Variants in OSBPL2 observed in about 807,000 individuals in gnomAD.
OSBPL2 encodes oxysterol binding protein like 2.
OSBPL2 carries 18 observed loss-of-function variants against 58.4 expected under a neutral mutation model. The ratio of observed to expected loss-of-function variants is 0.31; its 90% CI spans 0.21 to 0.46. The LOEUF (loss-of-function observed/expected upper bound fraction) is 0.46, where lower values mean the gene tolerates loss of function less well. Ranked by LOEUF, OSBPL2 falls within the 20% of genes least tolerant of loss-of-function variation. OSBPL2 has a pLI of 1.00. For synonymous variants in OSBPL2, 221 were observed against 234.1 expected, an observed-to-expected ratio of 0.94 and a Z score of 0.51; for missense variants, 461 against 616.5, an observed-to-expected ratio of 0.75 and a Z score of 2.67.
intron 9 of OSBPL2, among the ~76,000 whole-genome samples, chr20:62,283,504 T>C (rs1294804013): frequency 6.6e-6 from 1 of 152,138 alleles, no homozygotes; most frequent in Non-Finnish European, 1.5e-5. Flanking sequence ...GTGGCCACTC[T>C]GCAAAGGTCT....
At chr20:62,289,043 G>A (rs964931809) in intron 11 of OSBPL2, among the ~76,000 whole-genome samples, 164 bp from the exon 12 acceptor site, 1 of 152,202 alleles carries the variant, frequency 6.6e-6, no homozygotes, top group African/African-American at 2.4e-5. Context: ...AGTGAAGACG[G>A]CAGAGGCATT....
intron 2 of OSBPL2, among the ~76,000 whole-genome samples, chr20:62,257,111 C>T (rs749880487): frequency 1.3e-5 from 2 of 152,206 alleles, no homozygotes; most frequent in Non-Finnish European, 2.9e-5. Context: ...CGGTTACTGC[C>T]GCTCAAGGAT....
rs141429024 is a variant in OSBPL2, at chr20:62,275,437, C to T, written c.491+2031C>T. Among the ~76,000 whole-genome samples the T allele has an allele frequency of 5.8e-4, 88 of 150,900 alleles. No homozygotes were observed. The Middle Eastern group carries it at 0.014, about 23-fold the overall frequency. On this transcript the variant is annotated intron_variant, in intron 6 of 13. Coordinates refer to ENST00000313733, the MANE Select transcript of OSBPL2 (RefSeq NM_144498.4). Reference sequence around the variant, plus strand: ...TTTTTGAGACGAGGTCTCACTCTGTCGCCCAGGCTGAAGTTCAGTGACATG... The same window carrying T: ...TTTTTGAGACGAGGTCTCACTCTGTTGCCCAGGCTGAAGTTCAGTGACATG...
chr20:62,262,090 C>T (rs977839656), intron 3 of OSBPL2, among the ~76,000 whole-genome samples: 1 of 149,910 alleles, frequency 6.7e-6, no homozygotes, highest in Non-Finnish European at 1.5e-5. Context: ...TGGACCCCCC[C>T]CCCACCCCGT....
chr20:62,255,836 A>G (rs1980886879), intron 1 of OSBPL2, among the ~76,000 whole-genome samples: 1 of 152,252 alleles, frequency 6.6e-6, no homozygotes, highest in Non-Finnish European at 1.5e-5. Flanking sequence ...CTCTTGTTAT[A>G]GGGCTGAATT....
At chr20:62,265,164 G>T (rs189798171) in intron 4 of OSBPL2, among the ~76,000 whole-genome samples, 1 of 152,042 alleles carries the variant, frequency 6.6e-6, no homozygotes, top group Admixed American at 6.6e-5. Context: ...TTCCATTCTC[G>T]TTCGTTCTTC....
Position 62,251,882 on chromosome 20 carries a change from T to TTTTC in OSBPL2, c.-128-4172_-128-4171insCTTT, listed in dbSNP as rs1297857946. The stretch of plus-strand genomic sequence containing the variant: ...TGGTATGCCTTTTTTTTTTTTTTTT[T>TTTTC]TTTTTTTTTTTTTTCTGGAGACAGG... On this transcript the variant is annotated intron_variant, in intron 1 of 13. Coordinates refer to ENST00000313733, the MANE Select transcript of OSBPL2 (RefSeq NM_144498.4). Among the ~76,000 whole-genome samples the TTTTC allele has an allele frequency of 3.2e-3, 389 of 123,054 alleles. 7 individuals carry two copies. The highest frequency in any genetic ancestry group is 5.6e-3 in the Non-Finnish European group (332 of 59,116). The allele number at this position is 123,054 out of a possible 152,430, so 80.7% of individuals were successfully genotyped here.
chr20:62,256,832 G>A (rs867499902), intron 2 of OSBPL2, among the ~76,000 whole-genome samples: 11 of 152,334 alleles, frequency 7.2e-5, no homozygotes, highest in South Asian at 2.1e-4. Context: ...TTCCAGAGCC[G>A]CCCCTTCTCC....
At chr20:62,274,801 C>G (rs184536144) in intron 6 of OSBPL2, among the ~76,000 whole-genome samples, 1 of 152,230 alleles carries the variant, frequency 6.6e-6, no homozygotes, top group Admixed American at 6.5e-5. Flanking sequence ...CTGGGCTGCA[C>G]GCCTCCCTGC....
intron 1 of OSBPL2, chr20:62,242,429 GT>G (rs1979793722): frequency 6.6e-6 from 1 of 152,256 alleles, no homozygotes; most frequent in African/African-American, 2.4e-5. Context: ...GAGCTGAGTG[GT>G]GGAAGTGAGC....
At chr20:62,271,443 G>A (rs1879936034) in intron 4 of OSBPL2, among the ~76,000 whole-genome samples, 1 of 152,120 alleles carries the variant, frequency 6.6e-6, no homozygotes, top group Admixed American at 6.6e-5. Context: ...GCTCTGCCTG[G>A]GACCACTACT....
At chr20:62,280,280 C>G in intron 7 of OSBPL2, 2 of 426,670 alleles carry the variant, frequency 4.7e-6, no homozygotes, top group Non-Finnish European at 8.3e-6. Context: ...TAGAAGGTTC[C>G]ACAAGGACCT....
chr20:62,267,895 A>ATTTAT (rs1555848364), intron 4 of OSBPL2, among the ~76,000 whole-genome samples: 3 of 151,060 alleles, frequency 2.0e-5, no homozygotes, highest in Non-Finnish European at 4.4e-5. Context: ...TTATTTATTT[A>ATTTAT]TTTTTTTGAG....
rs1190871999 is a variant in OSBPL2 at position 62,251,067 on chromosome 20, G to A, written c.-128-4990G>A. ...TTTTTTTTTTTTTTTTTTTTGAGAC[G>A]GAGTCTCACTCTGTTGCCCAGGCTG... On this transcript the variant is annotated intron_variant, in intron 1 of 13. Coordinates refer to ENST00000313733, the MANE Select transcript of OSBPL2 (RefSeq NM_144498.4). Among the ~76,000 whole-genome samples, 11 of 132,600 alleles carry A rather than the reference G, an allele frequency of 8.3e-5. No individual in the cohort carries two copies. The South Asian group carries it at 9.4e-4, about 11-fold the overall frequency. The allele number at this position is 132,600 out of a possible 152,430, so 87.0% of individuals were successfully genotyped here.
intron 1 of OSBPL2, among the ~76,000 whole-genome samples, chr20:62,239,560 G>C (rs182970239): frequency 6.6e-6 from 1 of 152,218 alleles, no homozygotes; most frequent in Non-Finnish European, 1.5e-5. Flanking sequence ...TGGGATGACT[G>C]CCCGGAACAC....
At chr20:62,249,411 T>C (rs1343245631) in intron 1 of OSBPL2, among the ~76,000 whole-genome samples, 2 of 152,214 alleles carry the variant, frequency 1.3e-5, no homozygotes, top group East Asian at 1.9e-4. Flanking sequence ...GGGATTGTTT[T>C]CTGAGTGCAA....
At chr20:62,250,946 T>A (rs1980482525) in intron 1 of OSBPL2, among the ~76,000 whole-genome samples, 1 of 150,696 alleles carries the variant, frequency 6.6e-6, no homozygotes, top group African/African-American at 2.4e-5. Context: ...AATAAATAAA[T>A]AAATAAACAA....
chr20:62,262,649 C>A (rs1325001796), intron 3 of OSBPL2, among the ~76,000 whole-genome samples: 2 of 152,198 alleles, frequency 1.3e-5, no homozygotes, highest in East Asian at 3.9e-4. Context: ...CCCCTGACAC[C>A]AGTAGTGTGC....
At chr20:62,260,208 C>T (rs557255237) in intron 3 of OSBPL2, 83 bp downstream of exon 3, 26 of 1,367,180 alleles carry the variant, frequency 1.9e-5, no homozygotes, top group African/African-American at 4.3e-5. Context: ...TCAGCCCTCA[C>T]GAGCATTGAG....
Sources: allele counts gnomAD v4.1 joint callset (sites outside exome capture counted in the v4.1 genomes callset), GRCh38; gene constraint gnomAD v4.1.1; transcripts MANE v1.5; gene names NCBI Gene and HGNC (gene_info 2026-07-23, HGNC 2026-07-21).